The following PTPRD variants were observed in gnomAD, a reference collection of about 807,000 sequenced individuals.
PTPRD encodes protein tyrosine phosphatase receptor type D.
In PTPRD, 34 loss-of-function variants were observed where a neutral mutation model predicts 214.5. The observed-to-expected ratio is 0.16, with a 90% confidence interval of 0.12 to 0.21. The LOEUF (loss-of-function observed/expected upper bound fraction) is 0.21, where lower values mean the gene tolerates loss of function less well. PTPRD is among the 10% of genes least tolerant of loss of function. The pLI, the probability that PTPRD is intolerant of heterozygous loss-of-function variation, is 1.00. For missense variants in PTPRD, 2,545 were observed against 2,398.7 expected, an observed-to-expected ratio of 1.06 and a Z score of -1.27; for synonymous variants, 1,128 against 845.7, an observed-to-expected ratio of 1.33 and a Z score of -5.79.
chr9:9,719,488 C>T (rs1039148461), intron 7 of PTPRD, among the ~76,000 whole-genome samples: 6 of 152,160 alleles, frequency 3.9e-5, no homozygotes, highest in Non-Finnish European at 8.8e-5. Flanking sequence ...GCTGCTTTAA[C>T]GTCATAGCCC....
intron 9 of PTPRD, among the ~76,000 whole-genome samples, chr9:9,187,106 G>A (rs2099932117): frequency 6.6e-6 from 1 of 151,542 alleles, no homozygotes; most frequent in African/African-American, 2.4e-5. Context: ...TTAGAAAAAA[G>A]TTTACTTCCT....
intron 2 of PTPRD, among the ~76,000 whole-genome samples, chr9:10,560,064 A>G (rs1210695239): frequency 6.6e-6 from 1 of 152,180 alleles, no homozygotes; most frequent in Non-Finnish European, 1.5e-5. Flanking sequence ...CTGGGTATAT[A>G]CCCAAAGGAC....
At chr9:8,453,061 T>C (rs1179989365) in intron 33 of PTPRD, among the ~76,000 whole-genome samples, 5 of 152,222 alleles carry the variant, frequency 3.3e-5, no homozygotes, top group African/African-American at 1.2e-4. Context: ...TTCTTTTCAG[T>C]TTATTTGTGT....
Position 10,330,114 on chromosome 9 carries a change from A to G in PTPRD, c.-545+10849T>C, listed in dbSNP as rs78379505. 8.0e-3 allele frequency among the ~76,000 whole-genome samples: 1,218 copies of G among 151,836 alleles called. 11 individuals carry two copies. Among genetic ancestry groups the G allele is most frequent in the African/African-American group, 0.023 (951 of 41,462 alleles). ...TCTGAGGAGGTAACTGTCAATTTGT[A>G]TAACAAGAACTTGCCCTCTGTCACA... On this transcript the variant is annotated intron_variant, in intron 3 of 45. Transcript: ENST00000381196.
Position 9,456,926 on chromosome 9 carries a change from G to C in PTPRD, c.-236-59444C>G, listed in dbSNP as rs188088164. 1.7e-3 allele frequency among the ~76,000 whole-genome samples: 265 copies of C among 151,760 alleles called. 2 individuals are homozygous for C. Among genetic ancestry groups the C allele is most frequent in the South Asian group, 2.9e-3 (14 of 4,824 alleles). On this transcript the variant is annotated intron_variant, in intron 8 of 45. Coordinates refer to ENST00000381196, the MANE Select transcript of PTPRD (RefSeq NM_002839.4). ...AAGGAAGAGGATAGGAAAAAACAAA[G>C]TAAAGAGTAGTGATAAATAAGACAC...
At chr9:10,322,634 T>G (rs930925668) in intron 3 of PTPRD, among the ~76,000 whole-genome samples, 2 of 152,090 alleles carry the variant, frequency 1.3e-5, no homozygotes, top group African/African-American at 4.8e-5. Context: ...GGTTAAAATA[T>G]TTAGAAATAA....
At chr9:9,359,878 CACTT>C (rs1461601184) in intron 9 of PTPRD, among the ~76,000 whole-genome samples, 3 of 151,384 alleles carry the variant, frequency 2.0e-5, no homozygotes, top group East Asian at 1.9e-4. Flanking sequence ...GATTCAGAGA[CACTT>C]ACTTTCACAG....
intron 3 of PTPRD, among the ~76,000 whole-genome samples, chr9:10,214,358 C>A (rs753819487): frequency 1.3e-5 from 2 of 151,814 alleles, no homozygotes; most frequent in African/African-American, 4.8e-5. Flanking sequence ...CTCACTGCAA[C>A]CTCTACCTCC....
chr9:9,446,446 G>T (rs1300179746), intron 8 of PTPRD, among the ~76,000 whole-genome samples: 1 of 152,132 alleles, frequency 6.6e-6, no homozygotes, highest in Non-Finnish European at 1.5e-5. Context: ...TATCCAAACT[G>T]CTTCACACCT....
intron 26 of PTPRD, among the ~76,000 whole-genome samples, chr9:8,497,034 T>C (rs536592285): frequency 6.6e-6 from 1 of 152,274 alleles, no homozygotes; most frequent in African/African-American, 2.4e-5. Context: ...GCCCATGACA[T>C]TTCTTACGCA....
In PTPRD at chr9:10,417,192, G is replaced by T. The variant is rs1045133023; in HGVS notation, c.-599-76175C>A. ...TCTCCTAGGAAGGGATGATATTGAA[G>T]GAACATAGTTCAACCTAGTCAATCA... On this transcript the variant is annotated intron_variant, in intron 2 of 45. Coordinates refer to ENST00000381196, the MANE Select transcript of PTPRD (RefSeq NM_002839.4). 2.6e-5 allele frequency among the ~76,000 whole-genome samples: 4 copies of T among 151,828 alleles called. No homozygotes were observed. In the East Asian group the frequency reaches 5.9e-4, roughly 22 times the overall value.
At chr9:10,037,204 AC>A (rs1286354478) in intron 3 of PTPRD, among the ~76,000 whole-genome samples, 3 of 152,110 alleles carry the variant, frequency 2.0e-5, no homozygotes, top group African/African-American at 7.2e-5. Context: ...AAAATAGAAA[AC>A]CGATATGGCT....
intron 11 of PTPRD, among the ~76,000 whole-genome samples, chr9:8,796,487 A>G (rs1385199244): frequency 6.6e-6 from 1 of 152,150 alleles, no homozygotes; most frequent in Admixed American, 6.5e-5. Flanking sequence ...AATACTTATC[A>G]GTCATCAGAG....
chr9:10,136,230 TA>T, intron 3 of PTPRD, among the ~76,000 whole-genome samples: 1 of 152,218 alleles, frequency 6.6e-6, no homozygotes, highest in South Asian at 2.1e-4. Context: ...CTCAGATTCA[TA>T]AAACAAGTAC....
chr9:8,718,871 C>T (rs1192628202), intron 12 of PTPRD, among the ~76,000 whole-genome samples: 4 of 152,120 alleles, frequency 2.6e-5, no homozygotes, highest in Non-Finnish European at 5.9e-5. Context: ...AGTGTTATTT[C>T]CGAGCGTTTG....
intron 11 of PTPRD, among the ~76,000 whole-genome samples, chr9:8,882,159 G>A (rs1160866279): frequency 1.3e-5 from 2 of 152,126 alleles, no homozygotes; most frequent in Non-Finnish European, 2.9e-5. Context: ...ATAGCATCTA[G>A]AAGAATGAAC....
At chr9:8,382,134 A>C (rs1285344685) in intron 37 of PTPRD, among the ~76,000 whole-genome samples, 1 of 152,224 alleles carries the variant, frequency 6.6e-6, no homozygotes, top group Non-Finnish European at 1.5e-5. Flanking sequence ...CAATGTTTCA[A>C]TAAAAATATA....
intron 5 of PTPRD, among the ~76,000 whole-genome samples, chr9:9,869,655 C>A (rs1416647055): frequency 6.6e-6 from 1 of 151,858 alleles, no homozygotes; most frequent in Non-Finnish European, 1.5e-5. Flanking sequence ...ATGTAATGAT[C>A]AAACATAAAA....
intron 27 of PTPRD, 72 bp from the exon 28 acceptor site, chr9:8,486,421 G>A: frequency 2.4e-6 from 3 of 1,273,724 alleles, no homozygotes; most frequent in South Asian, 1.2e-5. Context: ...GCCAAATGAG[G>A]GAGTTCCACT....
Sources: gnomAD v4.1 joint callset for allele counts (sites outside exome capture counted in the v4.1 genomes callset) on GRCh38, gnomAD v4.1.1 for gene constraint, MANE v1.5 for transcripts, NCBI Gene and HGNC (gene_info 2026-07-23, HGNC 2026-07-21) for gene names.